The following EPB41L4B variants were observed in gnomAD, a reference collection of about 807,000 sequenced individuals.
EPB41L4B encodes erythrocyte membrane protein band 4.1 like 4B, also known as band 4.1-like protein 4B.
EPB41L4B carries 30 observed loss-of-function variants against 112.5 expected under a neutral mutation model. That is an observed-to-expected ratio of 0.27 (90% CI 0.20 to 0.36). The LOEUF (loss-of-function observed/expected upper bound fraction) is 0.36. Ranked by LOEUF, EPB41L4B falls within the 10% of genes least tolerant of loss-of-function variation. EPB41L4B has a pLI of 1.00. For missense variants in EPB41L4B, 1,024 were observed against 1,133.3 expected, an observed-to-expected ratio of 0.90 and a Z score of 1.38; for synonymous variants, 408 against 439.7, an observed-to-expected ratio of 0.93 and a Z score of 0.90.
intron 1 of EPB41L4B, chr9:109,301,167 G>A (rs1327973063): frequency 1.3e-5 from 2 of 152,188 alleles, no homozygotes; most frequent in Admixed American, 6.6e-5. Context: ...CTGAGATCCT[G>A]CATCTGCCCC....
chr9:109,296,332 G>C (rs1335970603), intron 1 of EPB41L4B, among the ~76,000 whole-genome samples: 3 of 152,180 alleles, frequency 2.0e-5, no homozygotes, highest in African/African-American at 7.2e-5. Flanking sequence ...TGAAATCATA[G>C]TTTTGGAATC....
chr9:109,207,406 T>TA (rs946502250), intron 18 of EPB41L4B, among the ~76,000 whole-genome samples: 131 of 151,692 alleles, frequency 8.6e-4, no homozygotes, highest in African/African-American at 2.9e-3. Flanking sequence ...CCTGTCTCTA[T>TA]AAAAAAAATA....
At chr9:109,243,254 C>A (rs533049739) in intron 15 of EPB41L4B, among the ~76,000 whole-genome samples, 81 of 130,692 alleles carry the variant, frequency 6.2e-4, no homozygotes, top group African/African-American at 1.3e-3. Context: ...AAAAAAAAAA[C>A]CCCATGACAA....
rs148983977 is a variant in EPB41L4B, at chr9:109,251,445, G to C, written c.1310+36C>G. 3,503 of 1,590,838 alleles carry C rather than the reference G, an allele frequency of 2.2e-3. 6 individuals carry two copies. Among genetic ancestry groups the C allele is most frequent in the Middle Eastern group, 4.0e-3 (24 of 6,014 alleles). Reference sequence around the variant, plus strand: ...ATTGCAAATAAATACGATCCTTAGAGAGGAGAGCTGTGCTCTAGAGCTCAA... The same window carrying C: ...ATTGCAAATAAATACGATCCTTAGACAGGAGAGCTGTGCTCTAGAGCTCAA... On this transcript the variant is annotated intron_variant, in intron 13 of 25. Transcript: ENST00000374566.
At chr9:109,227,831 C>T (rs761688293) in intron 15 of EPB41L4B, among the ~76,000 whole-genome samples, 8 of 152,138 alleles carry the variant, frequency 5.3e-5, no homozygotes, top group Non-Finnish European at 1.0e-4. Flanking sequence ...CTGCCCACCT[C>T]GACCTCCCCA....
rs929143202 is a variant in EPB41L4B at position 109,220,467 on chromosome 9, T to G, written c.1410-3322A>C. 2.6e-5 allele frequency among the ~76,000 whole-genome samples: 4 copies of G among 152,218 alleles called. No individual in the cohort carries two copies. The East Asian group carries it at 7.7e-4, about 29-fold the overall frequency. ...TTGGGGAGAGACTCCAGTATCTCTC[T>G]GTTAGGAGACTGCCGCAGGGCGGGA... On this transcript the variant is annotated intron_variant, in intron 15 of 25. Transcript: ENST00000374566.
chr9:109,298,998 C>A (rs1392245003), intron 1 of EPB41L4B, among the ~76,000 whole-genome samples: 3 of 152,160 alleles, frequency 2.0e-5, no homozygotes, highest in African/African-American at 7.2e-5. Flanking sequence ...GGAGGGAATT[C>A]TGCAATGGGG....
intron 13 of EPB41L4B, among the ~76,000 whole-genome samples, chr9:109,249,021 T>A (rs1367942032): frequency 6.8e-6 from 1 of 147,840 alleles, no homozygotes; most frequent in African/African-American, 2.5e-5. Context: ...ACTGCGCCAC[T>A]GCACTCTAGC....
chr9:109,273,143 T>C (rs1448001438), intron 2 of EPB41L4B, among the ~76,000 whole-genome samples: 1 of 152,198 alleles, frequency 6.6e-6, no homozygotes, highest in Non-Finnish European at 1.5e-5. Flanking sequence ...AGAGACCCCT[T>C]TAGCAGCTTC....
chr9:109,303,072 C>A (rs1837035845), intron 1 of EPB41L4B, among the ~76,000 whole-genome samples: 1 of 145,822 alleles, frequency 6.9e-6, no homozygotes, highest in Admixed American at 6.9e-5. Flanking sequence ...CTGACTGAGA[C>A]CCCATCTCTA....
At chr9:109,311,319 C>T (rs374802236) in intron 1 of EPB41L4B, among the ~76,000 whole-genome samples, 1 of 152,122 alleles carries the variant, frequency 6.6e-6, no homozygotes, top group South Asian at 2.1e-4. Context: ...CGCACCTGAG[C>T]GAATGCTATG....
chr9:109,296,147 G>T (rs1167027763), intron 1 of EPB41L4B, among the ~76,000 whole-genome samples: 2 of 152,170 alleles, frequency 1.3e-5, no homozygotes, highest in African/African-American at 2.4e-5. Context: ...CAAGAAACGT[G>T]AACAGAAAGG....
intron 1 of EPB41L4B, among the ~76,000 whole-genome samples, chr9:109,293,652 G>A (rs1281522557): frequency 6.8e-6 from 1 of 146,568 alleles, no homozygotes; most frequent in African/African-American, 2.6e-5. Context: ...CTAAAGTGCT[G>A]AGATTACAGG....
At chr9:109,266,318 GT>G (rs1835398765) in intron 4 of EPB41L4B, among the ~76,000 whole-genome samples, 1 of 152,112 alleles carries the variant, frequency 6.6e-6, no homozygotes, top group African/African-American at 2.4e-5. Context: ...TGAGGCTGCA[GT>G]AAGCTGTGAT....
chr9:109,210,217 A>G (rs10979749), intron 17 of EPB41L4B, among the ~76,000 whole-genome samples: 14,207 of 152,260 alleles, frequency 0.093, 969 homozygotes, highest in African/African-American at 0.19. Flanking sequence ...GGGCCTCCAC[A>G]TTCTCCTTCA....
intron 2 of EPB41L4B, among the ~76,000 whole-genome samples, chr9:109,278,292 A>AT (rs1835912285): frequency 6.6e-6 from 1 of 152,134 alleles, no homozygotes; most frequent in Non-Finnish European, 1.5e-5. Flanking sequence ...GTGGGGTGGC[A>AT]TAACAGGACG....
At chr9:109,206,797 GCAAAC>G (rs1287308919) in intron 18 of EPB41L4B, among the ~76,000 whole-genome samples, 5 of 152,230 alleles carry the variant, frequency 3.3e-5, no homozygotes, top group African/African-American at 1.2e-4. Flanking sequence ...CCAGGGGCCT[GCAAAC>G]CTCATGTCTG....
intron 22 of EPB41L4B, among the ~76,000 whole-genome samples, chr9:109,188,543 C>T (rs1321564843): frequency 6.6e-6 from 1 of 152,218 alleles, no homozygotes; most frequent in Non-Finnish European, 1.5e-5. Context: ...ATAGATTTCT[C>T]TCCACCTCCC....
Position 109,253,554 on chromosome 9 carries a change from G to A in EPB41L4B, c.1170-4C>T, listed in dbSNP as rs368958892. On this transcript the variant is annotated splice_region_variant and splice_polypyrimidine_tract_variant and intron_variant, in intron 11 of 25. Coordinates refer to ENST00000374566, the MANE Select transcript of EPB41L4B (RefSeq NM_019114.5). ...AGCTTGATATTCTGTCCGCCCACTG[G>A]GAAGTAAATATTTTCTCGTGTGTTA... is the stretch of plus-strand genomic sequence containing the variant. The A allele has an allele frequency of 1.9e-6, 3 of 1,585,730 alleles. No homozygotes were observed. In the African/African-American group the frequency reaches 4.0e-5, roughly 21 times the overall value.
Sources: gnomAD v4.1 joint callset for allele counts (sites outside exome capture counted in the v4.1 genomes callset) on GRCh38, gnomAD v4.1.1 for gene constraint, MANE v1.5 for transcripts, NCBI Gene and HGNC (gene_info 2026-07-23, HGNC 2026-07-21) for gene names.